FAM171A1: variants seen among roughly 807,000 people sequenced by gnomAD.
FAM171A1 encodes family with sequence similarity 171 member A1, also known as protein FAM171A1.
In FAM171A1, 23 loss-of-function variants were observed where a neutral mutation model predicts 74.9. The ratio of observed to expected loss-of-function variants is 0.31; its 90% confidence interval spans 0.22 to 0.44. The LOEUF is 0.44. Among genes scored for constraint, FAM171A1 ranks in the 20% least tolerant of loss-of-function variants. FAM171A1 has a pLI of 1.00. For missense variants in FAM171A1, 1,162 were observed against 1,159.2 expected (o/e 1.00, Z -0.03); for synonymous variants, 527 against 505.7 (o/e 1.04, Z -0.57).
At chr10:15,312,673 G>GTTTGTTTTTTTTTTTTTTTTT (rs1564274246) in intron 1 of FAM171A1, among the ~76,000 whole-genome samples, 1 of 36,382 alleles carries the variant, frequency 2.7e-5, no homozygotes. Flanking sequence ...AGCACTGTGT[G>GTTTGTTTTTTTTTTTTTTTTT]TTTTTTTTTT....
chr10:15,253,695 G>T (rs1180968458), intron 4 of FAM171A1, among the ~76,000 whole-genome samples: 1 of 152,198 alleles, frequency 6.6e-6, no homozygotes, highest in African/African-American at 2.4e-5. Context: ...GAAATGCAGT[G>T]AGTTACTCTC....
At chr10:15,229,070 C>T (rs28378157) in intron 5 of FAM171A1, among the ~76,000 whole-genome samples, 21,815 of 152,186 alleles carry the variant, frequency 0.14, 1,672 homozygotes, top group Middle Eastern at 0.18. Context: ...ATGCCACAGC[C>T]ACTCAGAAAT....
At chr10:15,223,302 T>G (rs915787004) in intron 5 of FAM171A1, among the ~76,000 whole-genome samples, 1 of 152,248 alleles carries the variant, frequency 6.6e-6, no homozygotes, top group Non-Finnish European at 1.5e-5. Flanking sequence ...AGCTCATGAC[T>G]TACACGTCGT....
intron 5 of FAM171A1, among the ~76,000 whole-genome samples, chr10:15,244,110 G>A (rs1193207031): frequency 1.3e-5 from 2 of 152,192 alleles, no homozygotes; most frequent in African/African-American, 4.8e-5. Flanking sequence ...TCCCACGACT[G>A]TGGGAAGCTG....
chr10:15,249,839 T>C (rs1043139220), intron 4 of FAM171A1, among the ~76,000 whole-genome samples: 1 of 152,348 alleles, frequency 6.6e-6, no homozygotes, highest in South Asian at 2.1e-4. Flanking sequence ...GATATATTTA[T>C]GCACTCAAGC....
intron 1 of FAM171A1, among the ~76,000 whole-genome samples, chr10:15,289,227 C>T (rs1014731077): frequency 3.3e-5 from 5 of 152,162 alleles, no homozygotes; most frequent in Non-Finnish European, 7.3e-5. Flanking sequence ...AACTAAATGA[C>T]AACCAGGGCA....
chr10:15,219,035 C>G (rs1412018724), intron 6 of FAM171A1, among the ~76,000 whole-genome samples: 1 of 152,162 alleles, frequency 6.6e-6, no homozygotes, highest in African/African-American at 2.4e-5. Context: ...GTAATTTCAG[C>G]ACTTTGGGAG....
intron 6 of FAM171A1, among the ~76,000 whole-genome samples, chr10:15,219,689 C>T (rs1240757096): frequency 6.6e-6 from 1 of 152,200 alleles, no homozygotes; most frequent in Non-Finnish European, 1.5e-5. Context: ...TCAAGCGATT[C>T]TCCTGCCTCA....
At chr10:15,279,444 G>A (rs890859398) in intron 2 of FAM171A1, among the ~76,000 whole-genome samples, 8 of 152,160 alleles carry the variant, frequency 5.3e-5, no homozygotes, top group African/African-American at 7.2e-5. Context: ...ACGGAGATCC[G>A]TGGGTAGTGC....
chr10:15,304,769 C>T (rs917388300), intron 1 of FAM171A1, among the ~76,000 whole-genome samples: 7 of 152,202 alleles, frequency 4.6e-5, no homozygotes, highest in Non-Finnish European at 1.0e-4. Context: ...CAGAGTCTCG[C>T]TCTGTTGCCC....
intron 5 of FAM171A1, among the ~76,000 whole-genome samples, chr10:15,227,359 G>A (rs765492255): frequency 2.0e-5 from 3 of 151,952 alleles, no homozygotes; most frequent in Non-Finnish European, 4.4e-5. Context: ...CACACTCTCA[G>A]GTCAGTTTTT....
chr10:15,301,924 G>A (rs926106083), intron 1 of FAM171A1, among the ~76,000 whole-genome samples: 4 of 152,124 alleles, frequency 2.6e-5, no homozygotes, highest in African/African-American at 9.7e-5. Flanking sequence ...AAGACATTTA[G>A]GCAGGAAAGG....
chr10:15,233,521 G>GGTGTGT (rs61637156), intron 5 of FAM171A1, among the ~76,000 whole-genome samples: 26,442 of 145,188 alleles, frequency 0.18, 2,471 homozygotes, highest in East Asian at 0.32. Context: ...GTGTATTCAG[G>GGTGTGT]GTGTGTGTGT....
chr10:15,227,297 G>A (rs191026346), intron 5 of FAM171A1, among the ~76,000 whole-genome samples: 259 of 151,742 alleles, frequency 1.7e-3, no homozygotes, highest in Admixed American at 7.0e-3. Context: ...CACTGCACCC[G>A]GCCGGAACAG....
At chr10:15,300,156 C>T (rs546215840) in intron 1 of FAM171A1, among the ~76,000 whole-genome samples, 2 of 152,256 alleles carry the variant, frequency 1.3e-5, no homozygotes, top group East Asian at 1.9e-4. Context: ...CTTATCTTTT[C>T]CAAGAAAGAT....
chr10:15,323,603 G>T (rs562162156), intron 1 of FAM171A1, among the ~76,000 whole-genome samples: 1 of 152,264 alleles, frequency 6.6e-6, no homozygotes, highest in South Asian at 2.1e-4. Context: ...AAATGGACTT[G>T]GTGGGCATAT....
chr10:15,234,374 G>C (rs1395612277), intron 5 of FAM171A1, among the ~76,000 whole-genome samples: 1 of 152,192 alleles, frequency 6.6e-6, no homozygotes, highest in East Asian at 1.9e-4. Flanking sequence ...TAGCTGCCCA[G>C]GTTCTTGGCG....
At chr10:15,290,834 A>C (rs754120678) in intron 1 of FAM171A1, among the ~76,000 whole-genome samples, 18 of 152,150 alleles carry the variant, frequency 1.2e-4, no homozygotes, top group Admixed American at 2.0e-4. Context: ...ACTCCCACGG[A>C]GAGAGCTTTG....
In FAM171A1 at chr10:15,214,581, C is replaced by T. The variant is rs1008533763; in HGVS notation, c.1007G>A (p.Arg336His). The T allele has an allele frequency of 1.0e-5, 16 of 1,601,882 alleles. No individual in the cohort carries two copies. The highest frequency in any genetic ancestry group is 1.7e-4 in the Middle Eastern group (1 of 6,028). ...GAGCTGCAGTTTTCTGTGGTGCTGA[C>T]GAGGTTTCAAGCACTTCCTCCTGCG... is the stretch of plus-strand genomic sequence containing the variant. Reference protein sequence around the residue: ...YYCRRKCLKPRQHHRKLQLPA... With the variant: ...YYCRRKCLKPHQHHRKLQLPA... The change falls in exon 8 of 8, where the codon CGT becomes CAT. Residue 336 changes from arginine to histidine, a missense_variant. Coordinates refer to ENST00000378116, the MANE Select transcript of FAM171A1 (RefSeq NM_001010924.2).
Sources: gnomAD v4.1 joint callset for allele counts (sites outside exome capture counted in the v4.1 genomes callset) on GRCh38, gnomAD v4.1.1 for gene constraint, MANE v1.5 for transcripts, NCBI Gene and HGNC (gene_info 2026-07-23, HGNC 2026-07-21) for gene names.